Variants in DSCAM observed in about 807,000 individuals in gnomAD.
DSCAM encodes DS cell adhesion molecule.
DSCAM carries 47 observed loss-of-function variants against 217.7 expected under a neutral mutation model. The observed-to-expected ratio is 0.22, with a 90% CI of 0.17 to 0.28. DSCAM has a LOEUF of 0.28. DSCAM is among the 10% of genes least tolerant of loss of function. The pLI, the probability that DSCAM is intolerant of heterozygous loss-of-function variation, is 1.00. For missense variants in DSCAM, 2,080 were observed against 2,618.3 expected, an observed-to-expected ratio of 0.79 and a Z score of 4.49; for synonymous variants, 1,056 against 1,015.3, an observed-to-expected ratio of 1.04 and a Z score of -0.76.
At chr21:40,745,578 G>C (rs1054091391) in intron 1 of DSCAM, among the ~76,000 whole-genome samples, 1 of 152,140 alleles carries the variant, frequency 6.6e-6, no homozygotes, top group African/African-American at 2.4e-5. Flanking sequence ...AAACACAATG[G>C]AGAGATAAAG....
chr21:40,139,094 TGTGTG>T (rs1321608696), intron 18 of DSCAM, among the ~76,000 whole-genome samples: 6 of 140,950 alleles, frequency 4.3e-5, no homozygotes, highest in Non-Finnish European at 9.2e-5. Context: ...GTATGTGGGA[TGTGTG>T]GTGTGGTGTG....
At chr21:40,360,284 C>T (rs529776237) in intron 4 of DSCAM, among the ~76,000 whole-genome samples, 3 of 151,958 alleles carry the variant, frequency 2.0e-5, no homozygotes, top group African/African-American at 7.2e-5. Context: ...AGGCGCCTAC[C>T]ACCACGCCCG....
At position 40,753,541 on chromosome 21, in the gene DSCAM, C is replaced by T. The variant is rs542397880; in HGVS notation, c.44-44770G>A. Among the ~76,000 whole-genome samples the T allele has an allele frequency of 2.6e-5, 4 of 152,304 alleles. No individual in the cohort carries two copies. In the South Asian group the frequency reaches 8.3e-4, roughly 32 times the overall value. ...TGTATATTATACTGATTTTAAACCACACACATTGGTAACAAATAGACTAAT... is the reference window on the plus strand; with the variant it reads ...TGTATATTATACTGATTTTAAACCATACACATTGGTAACAAATAGACTAAT... On this transcript the variant is annotated intron_variant, in intron 1 of 32. Transcript: ENST00000400454.
At position 40,451,000 on chromosome 21, in the gene DSCAM, A is replaced by T. The variant is rs185553089; in HGVS notation, c.509-81755T>A. ...GGCCAGTTGGCTGGACCATTCCAGG[A>T]TGGATGAAAATCTGTATGCCTTGTC... is the stretch of plus-strand genomic sequence containing the variant. On this transcript the variant is annotated intron_variant, in intron 3 of 32. Transcript: ENST00000400454. Among the ~76,000 whole-genome samples, 111 of 152,312 alleles carry T rather than the reference A, an allele frequency of 7.3e-4. 1 individual carries two copies. The East Asian group carries it at 0.017, about 23-fold the overall frequency.
chr21:40,404,936 C>G lies in DSCAM; in HGVS notation c.509-35691G>C, dbSNP rs184630368. ...ACCTAGGCAATAGATTCTAGGATCT[C>G]AGAGACATATGAAATAATTTAGTGT... On this transcript the variant is annotated intron_variant, in intron 3 of 32. Coordinates refer to ENST00000400454, the MANE Select transcript of DSCAM (RefSeq NM_001389.5). Among the ~76,000 whole-genome samples the G allele has an allele frequency of 3.9e-3, 595 of 152,294 alleles. 13 individuals carry two copies. The highest frequency in any genetic ancestry group is 5.0e-4 in the Non-Finnish European group (34 of 68,018).
At chr21:40,421,201 C>A (rs2075420628) in intron 3 of DSCAM, among the ~76,000 whole-genome samples, 1 of 152,168 alleles carries the variant, frequency 6.6e-6, no homozygotes, top group Non-Finnish European at 1.5e-5. Flanking sequence ...CCACTGCCTG[C>A]AGCTCAGGCC....
intron 11 of DSCAM, among the ~76,000 whole-genome samples, chr21:40,214,735 CAA>C (rs1209648217): frequency 1.2e-4 from 8 of 67,812 alleles, no homozygotes; most frequent in South Asian, 5.7e-4. Context: ...GCAACAACAG[CAA>C]AAAAAAAAAA....
chr21:40,177,670 T>G (rs888564655), intron 15 of DSCAM, among the ~76,000 whole-genome samples: 6 of 152,218 alleles, frequency 3.9e-5, no homozygotes, highest in African/African-American at 1.4e-4. Flanking sequence ...TGTAGTGGTG[T>G]TTATACTAAT....
intron 1 of DSCAM, among the ~76,000 whole-genome samples, chr21:40,712,789 T>C (rs2090795957): frequency 6.6e-6 from 1 of 151,692 alleles, no homozygotes; most frequent in African/African-American, 2.4e-5. Flanking sequence ...GTTTAGGAAC[T>C]GACTGTATAG....
At chr21:40,091,478 C>T (rs970561638) in intron 21 of DSCAM, among the ~76,000 whole-genome samples, 1 of 152,166 alleles carries the variant, frequency 6.6e-6, no homozygotes, top group African/African-American at 2.4e-5. Flanking sequence ...CTTCACATAA[C>T]CGCCTTTGCT....
intron 19 of DSCAM, 150 bp downstream of exon 19, chr21:40,133,704 A>G (rs1487721063): frequency 1.3e-6 from 1 of 772,396 alleles, no homozygotes; most frequent in African/African-American, 1.8e-5. Context: ...AGAGGAAGTT[A>G]ATGGTCTGAA....
At chr21:40,717,320 T>C (rs1442494684) in intron 1 of DSCAM, among the ~76,000 whole-genome samples, 1 of 152,090 alleles carries the variant, frequency 6.6e-6, no homozygotes, top group African/African-American at 2.4e-5. Context: ...CTGCAGACAA[T>C]AAGGACAATT....
chr21:40,146,285 C>T (rs528041401), intron 16 of DSCAM, among the ~76,000 whole-genome samples: 50 of 151,700 alleles, frequency 3.3e-4, no homozygotes, highest in African/African-American at 1.0e-3. Context: ...TGGCGGGGCA[C>T]GGCTCAGAGA....
intron 2 of DSCAM, 29 bp downstream of exon 2, chr21:40,708,425 G>GA (rs779464525): frequency 7.2e-7 from 1 of 1,386,438 alleles, no homozygotes; most frequent in Non-Finnish European, 9.4e-7. Flanking sequence ...AGCAGGCACA[G>GA]AAAAAACAAA....
intron 3 of DSCAM, among the ~76,000 whole-genome samples, chr21:40,441,746 C>T (rs550534471): frequency 6.2e-4 from 95 of 152,270 alleles, no homozygotes; most frequent in Admixed American, 1.1e-3. Flanking sequence ...TTCTCTGGTT[C>T]CTTCTTAGCT....
chr21:40,051,907 G>GTTTTCAGCATTGTTAACACCCACACA, intron 30 of DSCAM, 51 bp downstream of exon 30: 1 of 1,559,322 alleles, frequency 6.4e-7, no homozygotes. Flanking sequence ...ACATTACTAT[G>GTTTTCAGCATTGTTAACACCCACACA]TTTTCAGCAT....
intron 3 of DSCAM, among the ~76,000 whole-genome samples, chr21:40,453,376 A>G (rs1357325972): frequency 6.6e-6 from 1 of 152,196 alleles, no homozygotes. Flanking sequence ...GAAAGGTCAC[A>G]CTGACAAGCT....
At position 40,064,032 on chromosome 21, in the gene DSCAM, C is replaced by T. The variant is rs148199976; in HGVS notation, c.4889-1133G>A. On this transcript the variant is annotated intron_variant, in intron 27 of 32. Transcript: ENST00000400454. ...GAAATCAAAATAGGATTGGATTTCC[C>T]AGTTCATGTCTTTATATTTATCTGC... Among the ~76,000 whole-genome samples the T allele has an allele frequency of 7.6e-3, 1,160 of 152,092 alleles. 19 individuals are homozygous for T. The highest frequency in any genetic ancestry group is 0.026 in the African/African-American group (1,074 of 41,490).
chr21:40,780,896 A>G (rs939343846), intron 1 of DSCAM, among the ~76,000 whole-genome samples: 1 of 152,240 alleles, frequency 6.6e-6, no homozygotes, highest in Admixed American at 6.5e-5. Flanking sequence ...TGTACACTAA[A>G]TATGGTATAA....
Sources: gnomAD v4.1 joint callset for allele counts (sites outside exome capture counted in the v4.1 genomes callset) on GRCh38, gnomAD v4.1.1 for gene constraint, MANE v1.5 for transcripts, NCBI Gene and HGNC (gene_info 2026-07-23, HGNC 2026-07-21) for gene names.